Variants in BPIFB4 observed in about 807,000 individuals in gnomAD.
BPIFB4 encodes BPI fold containing family B member 4.
BPIFB4 carries 62 observed loss-of-function variants against 69.2 expected under a neutral mutation model. That is an observed-to-expected ratio of 0.90 (90% CI 0.73 to 1.11). The LOEUF is 1.11. Among genes scored for constraint, BPIFB4 ranks in the 50% least tolerant of loss-of-function variants. BPIFB4 has a pLI of 0.00. For synonymous variants in BPIFB4, 330 were observed against 332.7 expected, an observed-to-expected ratio of 0.99 and a Z score of 0.09; for missense variants, 789 against 792.0, an observed-to-expected ratio of 1.00 and a Z score of 0.04.
intron 17 of BPIFB4, among the ~76,000 whole-genome samples, chr20:33,109,958 C>G (rs770256803): frequency 9.2e-5 from 14 of 152,160 alleles, no homozygotes; most frequent in Admixed American, 3.9e-4. Flanking sequence ...TAATTTTAGG[C>G]ACACAGAAAA....
intron 17 of BPIFB4, among the ~76,000 whole-genome samples, chr20:33,109,464 T>C (rs778728353): frequency 6.6e-6 from 1 of 152,058 alleles, no homozygotes; most frequent in Non-Finnish European, 1.5e-5. Context: ...TCAGAGAGGG[T>C]AGGCCACTTG....
chr20:33,111,380 A>T, intron 17 of BPIFB4, 34 bp from the exon 18 acceptor site: 2 of 1,613,568 alleles, frequency 1.2e-6, no homozygotes, highest in Non-Finnish European at 1.7e-6. Context: ...GAGCCACCCC[A>T]CCCATCACCG....
chr20:33,107,717 C>T, intron 16 of BPIFB4, 27 bp from the exon 17 acceptor site: 2 of 1,581,706 alleles, frequency 1.3e-6, no homozygotes, highest in African/African-American at 1.3e-5. Context: ...GACCACTGAC[C>T]ATGTCTGACT....
Position 33,083,006 on chromosome 20 carries a change from G to A in BPIFB4, c.169+6G>A, listed in dbSNP as rs1007146049. The A allele has an allele frequency of 5.0e-6, 8 of 1,609,894 alleles. No homozygotes were observed. In the African/African-American group the frequency reaches 5.4e-5, roughly 11 times the overall value. ...CCTGAGAGAGGTGCCCTTGGGTAAA[G>A]CCCGTGGTGATGGTGGTGGGCCTCT... is the stretch of plus-strand genomic sequence containing the variant. On this transcript the variant is annotated splice_donor_region_variant and intron_variant, in intron 4 of 17. Coordinates refer to ENST00000375483, the MANE Select transcript of BPIFB4 (RefSeq NM_182519.3).
chr20:33,089,833 G>A (rs780872670), intron 9 of BPIFB4, among the ~76,000 whole-genome samples: 1 of 152,192 alleles, frequency 6.6e-6, no homozygotes, highest in East Asian at 1.9e-4. Flanking sequence ...GGAGGTAATG[G>A]CTCGTCCTGG....
Position 33,087,748 on chromosome 20 carries a change from ACACAC to A in BPIFB4, c.927-1217_927-1213del, listed in dbSNP as rs1296252338. ...CACACACACACACACACACACACAC[ACACAC>A]AAGCATGCATGCATACACACACATA... On this transcript the variant is annotated intron_variant, in intron 7 of 17. Coordinates refer to ENST00000375483, the MANE Select transcript of BPIFB4 (RefSeq NM_182519.3). Among the ~76,000 whole-genome samples the A allele has an allele frequency of 4.7e-5, 7 of 149,278 alleles. No homozygotes were observed. In the East Asian group the frequency reaches 8.1e-4, roughly 17 times the overall value.
intron 15 of BPIFB4, 25 bp from the exon 16 acceptor site, chr20:33,104,785 C>T: frequency 6.2e-7 from 1 of 1,612,760 alleles, no homozygotes; most frequent in African/African-American, 1.3e-5. Flanking sequence ...CCTGCCCAGG[C>T]TCTGTCCTCC....
rs752809974 is a variant in BPIFB4 at position 33,083,794 on chromosome 20, T to C, written c.597T>C (p.Asp199=). 8.1e-6 allele frequency: 13 copies of C among 1,613,624 alleles called. No homozygotes were observed. The highest frequency in any genetic ancestry group is 1.0e-5 in the Non-Finnish European group (12 of 1,179,736). The change falls in exon 5 of 18, where the codon GAT becomes GAC. Residue 199 remains aspartate (D), a synonymous_variant. Coordinates refer to ENST00000375483, the MANE Select transcript of BPIFB4 (RefSeq NM_182519.3). ...GLLGGGGLLG[D]GGLLGGGGVL... is the part of the protein sequence containing the mutation. ...TCGGCGGAGGTGGTCTCCTTGGTGA[T>C]GGAGGACTTCTTGGAGGAGGGGGTG...
chr20:33,100,323 G>T, intron 13 of BPIFB4, 103 bp from the exon 14 acceptor site: 1 of 963,786 alleles, frequency 1.0e-6, no homozygotes, highest in Non-Finnish European at 1.6e-6. Flanking sequence ...TCATGCTCAG[G>T]GTTAACGAAG....
intron 12 of BPIFB4, among the ~76,000 whole-genome samples, 174 bp downstream of exon 12, chr20:33,095,327 G>T (rs981511126): frequency 6.6e-6 from 1 of 152,172 alleles, no homozygotes; most frequent in Non-Finnish European, 1.5e-5. Flanking sequence ...ATGGGTGGGG[G>T]CGGGGGAAGA....
intron 7 of BPIFB4, among the ~76,000 whole-genome samples, chr20:33,087,006 T>G (rs1981450513): frequency 6.6e-6 from 1 of 152,160 alleles, no homozygotes; most frequent in Admixed American, 6.5e-5. Context: ...TGAAACTCAT[T>G]GTGCAACTTG....
chr20:33,081,792 TACCATTTCC>T (rs1448361263), intron 3 of BPIFB4, among the ~76,000 whole-genome samples, 160 bp downstream of exon 3: 1 of 152,232 alleles, frequency 6.6e-6, no homozygotes, highest in East Asian at 1.9e-4. Flanking sequence ...TTCTTTTGAC[TACCATTTCC>T]TGAGCACCTA....
At position 33,083,774 on chromosome 20, in the gene BPIFB4, G is replaced by A. The variant is rs759796722; in HGVS notation, c.577G>A (p.Gly193Arg). The change falls in exon 5 of 18, where the codon GGA (glycine) becomes AGA (arginine). Residue 193 changes from glycine (G) to arginine (R), a missense_variant. By Grantham distance (125) the Gly-to-Arg change is moderately radical. Transcript: ENST00000375483. ...ILAGQGGLLG[G>R]GGLLGDGGLL... The stretch of plus-strand genomic sequence containing the variant: ...CGCAGGCCAAGGTGGCCTGCTCGGC[G>A]GAGGTGGTCTCCTTGGTGATGGAGG... 1.2e-5 allele frequency: 19 copies of A among 1,613,594 alleles called. No homozygotes were observed. Among genetic ancestry groups the A allele is most frequent in the East Asian group, 8.9e-5 (4 of 44,870 alleles).
rs144113274 is a variant in BPIFB4, at chr20:33,090,813, G to A, written c.1143+14G>A. ...CTGGACCTCAACGTGAGTGCCTGGG[G>A]TTCAGGGCAAAGGGTGGTGGCCCTC... On this transcript the variant is annotated intron_variant, in intron 10 of 17. Coordinates refer to ENST00000375483, the MANE Select transcript of BPIFB4 (RefSeq NM_182519.3). 4.0e-4 allele frequency: 649 copies of A among 1,613,988 alleles called. 5 individuals carry two copies. In the East Asian group the frequency reaches 0.011, roughly 28 times the overall value.
At position 33,104,834 on chromosome 20, in the gene BPIFB4, G is replaced by A; in HGVS notation, c.1705G>A (p.Glu569Lys). The A allele has an allele frequency of 1.9e-6, 3 of 1,614,166 alleles. No homozygotes were observed. Among genetic ancestry groups the A allele is most frequent in the South Asian group, 1.1e-5 (1 of 91,084 alleles). The change falls in exon 16 of 18, where the codon GAG becomes AAG. Residue 569 changes from glutamate to lysine, a missense_variant. Physicochemically the swap from Glu to Lys is moderately conservative, Grantham distance 56 (BLOSUM62 1). Coordinates refer to ENST00000375483, the MANE Select transcript of BPIFB4 (RefSeq NM_182519.3). ...GATTGGCCTCATGGAGGTGCTGGTG[G>A]AGAAGATTTTTGACCTGGCATTCAT... ...FDIGLMEVLV[E>K]KIFDLAFMPA...
intron 3 of BPIFB4, among the ~76,000 whole-genome samples, chr20:33,082,265 G>A (rs1466843377): frequency 6.6e-6 from 1 of 152,142 alleles, no homozygotes; most frequent in Non-Finnish European, 1.5e-5. Flanking sequence ...TCCATCAGAC[G>A]GGTACACTTC....
intron 15 of BPIFB4, 136 bp from the exon 16 acceptor site, chr20:33,104,674 G>T (rs1484069792): frequency 1.1e-5 from 8 of 715,944 alleles, no homozygotes; most frequent in East Asian, 2.8e-5. Flanking sequence ...GGGTCTCAGG[G>T]GTTCTGACTG....
chr20:33,109,553 G>A lies in BPIFB4; in HGVS notation c.1821+1733G>A, dbSNP rs191528259. On this transcript the variant is annotated intron_variant, in intron 17 of 17. Coordinates refer to ENST00000375483, the MANE Select transcript of BPIFB4 (RefSeq NM_182519.3). ...CAGCTCAAACCAATGGCTCTCAGTGGGGCTGTACTACACCCTCCCTGGCCC... is the reference window on the plus strand; with the variant it reads ...CAGCTCAAACCAATGGCTCTCAGTGAGGCTGTACTACACCCTCCCTGGCCC... Among the ~76,000 whole-genome samples the A allele has an allele frequency of 2.0e-4, 30 of 152,208 alleles. 1 individual carries two copies. In the East Asian group the frequency reaches 5.4e-3, roughly 27 times the overall value.
intron 10 of BPIFB4, 94 bp downstream of exon 10, chr20:33,090,893 G>T: frequency 3.4e-6 from 5 of 1,468,544 alleles, no homozygotes; most frequent in African/African-American, 1.4e-5. Context: ...CTGAATGCCT[G>T]GGAAGTAACA....
Sources: allele counts gnomAD v4.1 joint callset (sites outside exome capture counted in the v4.1 genomes callset), GRCh38; gene constraint gnomAD v4.1.1; transcripts MANE v1.5; gene names NCBI Gene and HGNC (gene_info 2026-07-23, HGNC 2026-07-21).